The following FBH1 variants were observed in gnomAD, a reference collection of about 807,000 sequenced individuals.
FBH1 encodes F-box DNA helicase 1.
FBH1 carries 43 observed loss-of-function variants against 115.5 expected under a neutral mutation model. The ratio of observed to expected loss-of-function variants is 0.37; its 90% CI spans 0.29 to 0.48. The LOEUF (loss-of-function observed/expected upper bound fraction) is 0.48. FBH1 is among the 20% of genes least tolerant of loss of function. The probability of loss-of-function intolerance (pLI) is 0.99; values close to 1 mark genes in which losing one functional copy is unlikely to be tolerated. For missense variants in FBH1, 1,001 were observed against 1,337.3 expected (o/e 0.75, Z 3.92); for synonymous variants, 524 against 507.8 (o/e 1.03, Z -0.43).
Position 5,915,750 on chromosome 10 carries a change from A to G in FBH1, c.1565+179A>G. The G allele has an allele frequency of 8.2e-6, 5 of 610,042 alleles. No homozygotes were observed. Among genetic ancestry groups the G allele is most frequent in the South Asian group, 6.0e-5 (3 of 49,790 alleles). The allele number at this position is 610,042 out of a possible 1,614,324, so 37.8% of individuals were successfully genotyped here. A position where few individuals can be genotyped will look rare whatever the true frequency, so the allele number is the denominator to read the frequency against. On this transcript the variant is annotated intron_variant, in intron 9 of 20. Transcript: ENST00000362091. This position sits in a 1 kb window ranked among gnomAD's most constrained non-coding sequence, Gnocchi z 5.2. ...TTAGCCATTTGTACTTTTATCCTGTAGCAACATATTGTTTACATATAATGC... is the reference window on the plus strand; with the variant it reads ...TTAGCCATTTGTACTTTTATCCTGTGGCAACATATTGTTTACATATAATGC...
In FBH1 at chr10:5,903,022, A is replaced by G. The variant is rs749684124; in HGVS notation, c.4A>G (p.Arg2Gly). 3 of 1,608,502 alleles carry G rather than the reference A, an allele frequency of 1.9e-6. No homozygotes were observed. Among genetic ancestry groups the G allele is most frequent in the South Asian group, 1.1e-5 (1 of 90,222 alleles). M[R>G]RFKRKHLTAI... ...TTCTACCTGCTGGTATGAAACAGTGAGACGGTTTAAGCGGAAGCATCTTAC... is the reference window on the plus strand; with the variant it reads ...TTCTACCTGCTGGTATGAAACAGTGGGACGGTTTAAGCGGAAGCATCTTAC... Residue 2 changes from arginine (R) to glycine (G), a missense_variant and splice_region_variant, in exon 2 of 21, where the codon AGA (arginine) becomes GGA (glycine). Around this residue, in one of 4 missense-constraint regions of FBH1, gnomAD observed 420 missense variants for 430.4 expected, o/e 0.98. Coordinates refer to ENST00000362091, the MANE Select transcript of FBH1 (RefSeq NM_178150.3).
In FBH1 at chr10:5,924,875, G is replaced by C. The variant is rs936323968; in HGVS notation, c.2596+367G>C. On this transcript the variant is annotated intron_variant, in intron 17 of 20. Transcript: ENST00000362091. The surrounding 1 kb of genome is among the most constrained non-coding windows in gnomAD (Gnocchi z 6.2). ...GCCACTGCGCCCAGCCTCTTCTGCT[G>C]TTTCTTCCCTGTGTGGAATATCTTT... The C allele has an allele frequency of 1.0e-5, 4 of 391,214 alleles. No homozygotes were observed. Among genetic ancestry groups the C allele is most frequent in the African/African-American group, 8.3e-5 (4 of 48,178 alleles). 24.2% of individuals were successfully genotyped at this position (391,214 alleles called of 1,614,324 possible).
chr10:5,930,225 C>G (rs664603), intron 19 of FBH1, among the ~76,000 whole-genome samples: 51,111 of 152,122 alleles, frequency 0.34, 10,414 homozygotes, highest in East Asian at 0.68. Context: ...CTCTACTACC[C>G]GATCCATAAT....
At chr10:5,930,584 TC>T (rs936802348) in intron 19 of FBH1, among the ~76,000 whole-genome samples, 3 of 152,240 alleles carry the variant, frequency 2.0e-5, no homozygotes, top group African/African-American at 7.2e-5. Context: ...GTGCTTTGCC[TC>T]GTCACATGAG....
chr10:5,901,593 G>C (rs1182109350), intron 1 of FBH1, among the ~76,000 whole-genome samples: 1 of 141,570 alleles, frequency 7.1e-6, no homozygotes, highest in Non-Finnish European at 1.5e-5. Context: ...TTGAGATGGA[G>C]TTGTACTCTC....
In FBH1 at chr10:5,914,037, C is replaced by T. The variant is rs1831773462; in HGVS notation, c.1305-141C>T. On this transcript the variant is annotated intron_variant, in intron 7 of 20. Transcript: ENST00000362091. This position sits in a 1 kb window ranked among gnomAD's most constrained non-coding sequence, Gnocchi z 5.2. ...TCAGCATCATAATCTAGCTTTAGAA[C>T]ATGTTTATTCTCGTAAGGGGAGGCC... 2 of 839,552 alleles carry T rather than the reference C, an allele frequency of 2.4e-6. No homozygotes were observed. The highest frequency in any genetic ancestry group is 1.7e-5 in the African/African-American group (1 of 58,556). 52.0% of individuals were successfully genotyped at this position (839,552 alleles called of 1,614,324 possible).
intron 1 of FBH1, among the ~76,000 whole-genome samples, chr10:5,898,727 A>G (rs970683847): frequency 6.6e-6 from 1 of 152,188 alleles, no homozygotes; most frequent in Non-Finnish European, 1.5e-5. Flanking sequence ...CCACCACTTC[A>G]TACCGTCACC....
At chr10:5,907,566 C>G (rs11818118) in intron 3 of FBH1, among the ~76,000 whole-genome samples, 15,466 of 150,776 alleles carry the variant, frequency 0.1, 902 homozygotes, top group African/African-American at 0.16. Context: ...CTCCACCTCC[C>G]AAGTTCAAGT....
Position 5,918,667 on chromosome 10 carries a change from G to C in FBH1, c.2100+189G>C, listed in dbSNP as rs688388. On this transcript the variant is annotated intron_variant, in intron 13 of 20. Coordinates refer to ENST00000362091, the MANE Select transcript of FBH1 (RefSeq NM_178150.3). This position sits in a 1 kb window ranked among gnomAD's most constrained non-coding sequence, Gnocchi z 4.0. ...TTTTCATAAGAGGTGTGTGCACAGC[G>C]GTCGTCTGAGGAAGAGCTGCTGCGG... Among the ~76,000 whole-genome samples the C allele has an allele frequency of 6.6e-6, 1 of 152,036 alleles. No individual in the cohort carries two copies. Among genetic ancestry groups the C allele is most frequent in the Non-Finnish European group, 1.5e-5 (1 of 68,006 alleles).
In FBH1 at chr10:5,925,390, A is replaced by G; in HGVS notation, c.2620A>G (p.Lys874Glu). 1.9e-6 allele frequency: 3 copies of G among 1,614,218 alleles called. No homozygotes were observed. Among genetic ancestry groups the G allele is most frequent in the Non-Finnish European group, 2.5e-6 (3 of 1,180,028 alleles). The change falls in exon 18 of 21, where the codon AAA becomes GAA. Residue 874 changes from lysine to glutamate, a missense_variant. Physicochemically the swap from Lys to Glu is moderately conservative, Grantham distance 56. Coordinates refer to ENST00000362091, the MANE Select transcript of FBH1 (RefSeq NM_178150.3). This position sits in a 1 kb window ranked among gnomAD's most constrained non-coding sequence, Gnocchi z 4.6. Reference sequence around the variant, plus strand: ...AGAGTACATTCTGGGCACTGTGCACAAAGCCAAAGGCCTGGAGTTTGACAC... The same window carrying G: ...AGAGTACATTCTGGGCACTGTGCACGAAGCCAAAGGCCTGGAGTTTGACAC... ...FAEYILGTVHKAKGLEFDTVH... is the reference protein window; with the variant it reads ...FAEYILGTVHEAKGLEFDTVH...
Position 5,932,468 on chromosome 10 carries a change from C to G in FBH1, c.2830-3988C>G, listed in dbSNP as rs1417939508. Among the ~76,000 whole-genome samples the G allele has an allele frequency of 6.6e-6, 1 of 152,104 alleles. No individual in the cohort carries two copies. Among genetic ancestry groups the G allele is most frequent in the African/African-American group, 2.4e-5 (1 of 41,420 alleles). On this transcript the variant is annotated intron_variant, in intron 19 of 20. Transcript: ENST00000362091. This position sits in a 1 kb window ranked among gnomAD's most constrained non-coding sequence, Gnocchi z 5.9. ...TTGTCCTACCCAAATTAGGAAATCCCTCTTTATCAGCTCACAGAGCTCTCT... is the reference window on the plus strand; with the variant it reads ...TTGTCCTACCCAAATTAGGAAATCCGTCTTTATCAGCTCACAGAGCTCTCT...
At chr10:5,893,282 G>T (rs1842839314) in intron 1 of FBH1, among the ~76,000 whole-genome samples, 1 of 152,152 alleles carries the variant, frequency 6.6e-6, no homozygotes, top group South Asian at 2.1e-4. Context: ...CCCCAGCCTG[G>T]ACCACAGACA....
chr10:5,921,586 G>T lies in FBH1; in HGVS notation c.2322+17G>T, dbSNP rs573460283. ...TTGATTGGGGTAAGAGTACATTTCT[G>T]TTGACCACTTCATGCACAGAAACGT... On this transcript the variant is annotated intron_variant, in intron 15 of 20. Coordinates refer to ENST00000362091, the MANE Select transcript of FBH1 (RefSeq NM_178150.3). This position sits in a 1 kb window ranked among gnomAD's most constrained non-coding sequence, Gnocchi z 6.4. 2 of 1,588,608 alleles carry T rather than the reference G, an allele frequency of 1.3e-6. No homozygotes were observed. The highest frequency in any genetic ancestry group is 8.5e-7 in the Non-Finnish European group (1 of 1,173,974).
rs1831843031 is a variant in FBH1, at chr10:5,915,071, TA to T, written c.1397-331del. On this transcript the variant is annotated intron_variant, in intron 8 of 20. Coordinates refer to ENST00000362091, the MANE Select transcript of FBH1 (RefSeq NM_178150.3). This position sits in a 1 kb window ranked among gnomAD's most constrained non-coding sequence, Gnocchi z 5.2. ...TTCCCCCTCCCTAACCCTACCCTCC[TA>T]TCCTGAGGGGTCCTTTTTGCCCTCG... 6.6e-6 allele frequency among the ~76,000 whole-genome samples: 1 copy of T among 152,168 alleles called. No homozygotes were observed. Among genetic ancestry groups the T allele is most frequent in the Admixed American group, 6.5e-5 (1 of 15,278 alleles).
rs151285656 is a variant in FBH1, at chr10:5,917,625, C to G, written c.1912C>G (p.Leu638Val). The part of the protein sequence containing the change: ...LKLWQLSKPS[L>V]ASFDAIFVDE... ...ACTCTGGCAGCTGAGCAAGCCTTCG[C>G]TGGCCTCTTTTGACGCCATCTTTGT... Residue 638 changes from leucine to valine, a missense_variant, in exon 12 of 21, where the codon CTG (leucine) becomes GTG (valine). This residue lies in a region of FBH1 where 521 missense variants were observed against 811.0 expected (regional missense o/e 0.64). Transcript: ENST00000362091. The surrounding 1 kb of genome is among the most constrained non-coding windows in gnomAD (Gnocchi z 5.6). The G allele has an allele frequency of 1.1e-5, 17 of 1,614,054 alleles. No homozygotes were observed. The highest frequency in any genetic ancestry group is 1.4e-5 in the Non-Finnish European group (17 of 1,180,042).
intron 1 of FBH1, among the ~76,000 whole-genome samples, chr10:5,898,756 G>C (rs572486767): frequency 6.6e-6 from 1 of 152,324 alleles, no homozygotes; most frequent in South Asian, 2.1e-4. Flanking sequence ...GAGGATTTCA[G>C]TGTGTGAATT....
Position 5,914,312 on chromosome 10 carries a change from C to T in FBH1, c.1396+43C>T. 6.5e-7 allele frequency: 1 copy of T among 1,542,186 alleles called. No individual in the cohort carries two copies. Among genetic ancestry groups the T allele is most frequent in the Non-Finnish European group, 9.0e-7 (1 of 1,114,426 alleles). ...AGGTTCACGAGGTGGTGGTTTTCTG[C>T]CTTTTCTCCCTACATCCCCTTCCCG... On this transcript the variant is annotated intron_variant, in intron 8 of 20. Coordinates refer to ENST00000362091, the MANE Select transcript of FBH1 (RefSeq NM_178150.3). This position sits in a 1 kb window ranked among gnomAD's most constrained non-coding sequence, Gnocchi z 5.2.
At chr10:5,908,857 C>G in intron 3 of FBH1, 68 bp from the exon 4 acceptor site, 1 of 1,561,308 alleles carries the variant, frequency 6.4e-7, no homozygotes, top group Non-Finnish European at 8.8e-7. Context: ...GCGATCTGCC[C>G]GCCTCATTAA....
Position 5,911,148 on chromosome 10 carries a change from G to T in FBH1, c.1211+20G>T. 1.3e-6 allele frequency: 2 copies of T among 1,598,334 alleles called. No homozygotes were observed. Among genetic ancestry groups the T allele is most frequent in the South Asian group, 1.1e-5 (1 of 89,702 alleles). ...CAATAGGTAATGCCCCGGGAGGAGGGGAGGGGATGCTGTGATAATGGGAGA... is the reference window on the plus strand; with the variant it reads ...CAATAGGTAATGCCCCGGGAGGAGGTGAGGGGATGCTGTGATAATGGGAGA... On this transcript the variant is annotated intron_variant, in intron 6 of 20. Coordinates refer to ENST00000362091, the MANE Select transcript of FBH1 (RefSeq NM_178150.3). This position sits in a 1 kb window ranked among gnomAD's most constrained non-coding sequence, Gnocchi z 5.4.
Sources: gnomAD v4.1 joint callset for allele counts (sites outside exome capture counted in the v4.1 genomes callset) on GRCh38, gnomAD v4.1.1 for gene constraint, gnomAD v4.1.1 regional missense constraint, Gnocchi (gnomAD v3.1) non-coding constraint, MANE v1.5 for transcripts, NCBI Gene and HGNC (gene_info 2026-07-23, HGNC 2026-07-21) for gene names.